The following PRDM2 variants were observed in gnomAD, a reference collection of about 807,000 sequenced individuals.
PRDM2 encodes PR domain zinc finger protein 2.
In PRDM2, 30 loss-of-function variants were observed where a neutral mutation model predicts 130.0. The ratio of observed to expected loss-of-function variants is 0.23; its 90% CI spans 0.17 to 0.31. The LOEUF (loss-of-function observed/expected upper bound fraction) is 0.31, where lower values mean the gene tolerates loss of function less well. Ranked by LOEUF, PRDM2 falls within the 10% of genes least tolerant of loss-of-function variation. The probability of loss-of-function intolerance (pLI) is 1.00; values close to 1 mark genes in which losing one functional copy is unlikely to be tolerated. For synonymous variants in PRDM2, 871 were observed against 782.4 expected, an observed-to-expected ratio of 1.11 and a Z score of -1.89; for missense variants, 2,011 against 2,108.4, an observed-to-expected ratio of 0.95 and a Z score of 0.90.
chr1:13,716,074 G>T (rs1642525772), intron 2 of PRDM2, among the ~76,000 whole-genome samples: 1 of 152,156 alleles, frequency 6.6e-6, no homozygotes, highest in Admixed American at 6.5e-5. Context: ...GATAGAACTG[G>T]ATTAAGAAAA....
At chr1:13,812,974 C>T (rs943556962) in intron 8 of PRDM2, among the ~76,000 whole-genome samples, 1 of 152,170 alleles carries the variant, frequency 6.6e-6, no homozygotes, top group Non-Finnish European at 1.5e-5. Flanking sequence ...CTGGGCCATA[C>T]AGTCAATGAG....
intron 2 of PRDM2, among the ~76,000 whole-genome samples, chr1:13,718,484 G>A (rs985890322): frequency 6.6e-6 from 1 of 152,214 alleles, no homozygotes; most frequent in Non-Finnish European, 1.5e-5. Context: ...ATTCTGGACT[G>A]TTGCGCTCAG....
At chr1:13,711,402 G>T (rs552375416) in intron 1 of PRDM2, among the ~76,000 whole-genome samples, 1 of 102,228 alleles carries the variant, frequency 9.8e-6, no homozygotes, top group Non-Finnish European at 2.0e-5. Context: ...ATTGCAGCTC[G>T]TCACATGGTT....
In PRDM2 at chr1:13,720,920, T is replaced by A. The variant is rs900189383; in HGVS notation, c.9+5306T>A. On this transcript the variant is annotated intron_variant, in intron 2 of 9. Coordinates refer to ENST00000311066, the MANE Select transcript of PRDM2 (RefSeq NM_001393986.1). ...TACAGTAAAAGGTAACTGTTTTAAC[T>A]GTATAGTACAAGTTTCACACCCGTG... 2.0e-5 allele frequency among the ~76,000 whole-genome samples: 3 copies of A among 152,252 alleles called. 1 individual carries two copies. The highest frequency in any genetic ancestry group is 4.1e-4 in the South Asian group (2 of 4,834).
intron 5 of PRDM2, among the ~76,000 whole-genome samples, chr1:13,745,627 A>G (rs1159931989): frequency 2.0e-5 from 3 of 151,896 alleles, no homozygotes; most frequent in Non-Finnish European, 4.4e-5. Context: ...GTTTCACCAT[A>G]TTGGTCAGGT....
At chr1:13,786,032 G>A (rs921830481) in intron 8 of PRDM2, among the ~76,000 whole-genome samples, 1 of 151,546 alleles carries the variant, frequency 6.6e-6, no homozygotes, top group African/African-American at 2.4e-5. Flanking sequence ...TAGAGATGGG[G>A]TTTCACCGTG....
In PRDM2 at chr1:13,771,497, C is replaced by T. The variant is rs987405802; in HGVS notation, c.512-1581C>T. Among the ~76,000 whole-genome samples, 3 of 152,274 alleles carry T rather than the reference C, an allele frequency of 2.0e-5. No homozygotes were observed. Among genetic ancestry groups the T allele is most frequent in the Middle Eastern group, 3.4e-3 (1 of 294 alleles). ...CTGTAATCCCAGCACTCTGGGAGGC[C>T]GAGGCAGGCGGATCATGAGGTCAGG... On this transcript the variant is annotated intron_variant, in intron 6 of 9. Transcript: ENST00000311066. This position sits in a 1 kb window ranked among gnomAD's most constrained non-coding sequence, Gnocchi z 4.1.
intron 2 of PRDM2, among the ~76,000 whole-genome samples, chr1:13,729,547 A>G (rs1192658765): frequency 1.3e-5 from 2 of 152,206 alleles, no homozygotes; most frequent in Non-Finnish European, 2.9e-5. Context: ...CCAAAAATCC[A>G]GCTTATAGAT....
At chr1:13,733,655 C>T (rs1643178956) in intron 4 of PRDM2, among the ~76,000 whole-genome samples, 1 of 152,208 alleles carries the variant, frequency 6.6e-6, no homozygotes, top group Non-Finnish European at 1.5e-5. Flanking sequence ...TAGAAGATAT[C>T]TCCTAGGATA....
At chr1:13,774,975 A>G (rs1389798239) in intron 7 of PRDM2, among the ~76,000 whole-genome samples, 12 of 152,050 alleles carry the variant, frequency 7.9e-5, no homozygotes, top group Admixed American at 7.9e-4. Context: ...CTCAAAAAAA[A>G]AAAAAAAAGA....
At chr1:13,759,105 A>C (rs1328011127) in intron 6 of PRDM2, among the ~76,000 whole-genome samples, 3 of 151,692 alleles carry the variant, frequency 2.0e-5, no homozygotes, top group African/African-American at 7.3e-5. Context: ...GTAGCAAAGG[A>C]TTGGCCGGTT....
chr1:13,704,350 T>G (rs1262841711), intron 1 of PRDM2, among the ~76,000 whole-genome samples: 1 of 152,052 alleles, frequency 6.6e-6, no homozygotes, highest in Admixed American at 6.6e-5. Flanking sequence ...GAAATATGCT[T>G]ACAGTATTTT....
At chr1:13,715,124 A>G (rs1642492284) in intron 1 of PRDM2, among the ~76,000 whole-genome samples, 1 of 152,222 alleles carries the variant, frequency 6.6e-6, no homozygotes, top group South Asian at 2.1e-4. Flanking sequence ...GGAACTTGAA[A>G]AACAGAATAA....
At position 13,716,461 on chromosome 1, in the gene PRDM2, TA is replaced by T. The variant is rs1025204680; in HGVS notation, c.9+855del. Among the ~76,000 whole-genome samples, 47 of 151,068 alleles carry T rather than the reference TA, an allele frequency of 3.1e-4. 1 individual carries two copies. Among genetic ancestry groups the T allele is most frequent in the African/African-American group, 1.1e-3 (44 of 41,198 alleles). ...AACTTAAAGTATAATAATAAAAAAATAAAAAAAAGAGAGGATTAAAAGTTAT... is the reference window on the plus strand; with the variant it reads ...AACTTAAAGTATAATAATAAAAAAATAAAAAAAGAGAGGATTAAAAGTTAT... On this transcript the variant is annotated intron_variant, in intron 2 of 9. Transcript: ENST00000311066.
chr1:13,820,945 A>G (rs901344407), intron 9 of PRDM2, among the ~76,000 whole-genome samples: 1 of 151,980 alleles, frequency 6.6e-6, no homozygotes, highest in Non-Finnish European at 1.5e-5. Flanking sequence ...GCACGGGCAC[A>G]CAGGCCAGTC....
chr1:13,793,687 G>A (rs1051422357), intron 8 of PRDM2, among the ~76,000 whole-genome samples: 2 of 152,270 alleles, frequency 1.3e-5, no homozygotes, highest in Non-Finnish European at 2.9e-5. Context: ...AGGTAAGTGC[G>A]GAGCAATTGA....
intron 8 of PRDM2, among the ~76,000 whole-genome samples, chr1:13,791,400 G>A (rs140937261): frequency 2.1e-3 from 324 of 152,240 alleles, no homozygotes; most frequent in Non-Finnish European, 3.9e-3. Flanking sequence ...CAACGGCAAC[G>A]TGACTGTTTA....
At chr1:13,791,087 G>C (rs1211732896) in intron 8 of PRDM2, among the ~76,000 whole-genome samples, 1 of 151,912 alleles carries the variant, frequency 6.6e-6, no homozygotes, top group Non-Finnish European at 1.5e-5. Flanking sequence ...AAGCTACACT[G>C]TGCAGTCCAT....
intron 2 of PRDM2, among the ~76,000 whole-genome samples, chr1:13,716,049 C>CA (rs1489319277): frequency 2.6e-5 from 4 of 151,722 alleles, no homozygotes; most frequent in Non-Finnish European, 5.9e-5. Flanking sequence ...GGAACCAACC[C>CA]AAATGTCCAA....
Sources: gnomAD v4.1 joint callset for allele counts (sites outside exome capture counted in the v4.1 genomes callset) on GRCh38, gnomAD v4.1.1 for gene constraint, Gnocchi (gnomAD v3.1) non-coding constraint, MANE v1.5 for transcripts, NCBI Gene and HGNC (gene_info 2026-07-23, HGNC 2026-07-21) for gene names.